Variants in CDHR3 observed in about 807,000 individuals in gnomAD.
The protein encoded by CDHR3 is cadherin related family member 3, also known as cadherin-related family member 3.
CDHR3 carries 79 observed loss-of-function variants against 86.6 expected under a neutral mutation model. The observed-to-expected ratio is 0.91, with a 90% CI of 0.76 to 1.10. The LOEUF (loss-of-function observed/expected upper bound fraction) is 1.10. Among genes scored for constraint, CDHR3 ranks in the 50% least tolerant of loss-of-function variants. CDHR3 has a pLI of 0.00. For missense variants in CDHR3, 1,081 were observed against 1,077.6 expected, an observed-to-expected ratio of 1.00 and a Z score of -0.04; for synonymous variants, 421 against 402.4, an observed-to-expected ratio of 1.05 and a Z score of -0.55.
At chr7:106,022,023 G>C (rs1160957670) in intron 13 of CDHR3, among the ~76,000 whole-genome samples, 175 bp from the exon 14 acceptor site, 1 of 152,172 alleles carries the variant, frequency 6.6e-6, no homozygotes, top group Non-Finnish European at 1.5e-5. Context: ...TGCCATCTCT[G>C]GTGCAGTTAA....
rs1190039578 is a variant in CDHR3 at position 106,033,044 on chromosome 7, C to T, written c.*347C>T. 4.4e-6 allele frequency: 1 copy of T among 226,944 alleles called. No homozygotes were observed. The highest frequency in any genetic ancestry group is 8.7e-6 in the Non-Finnish European group (1 of 114,602). 14.1% of individuals were successfully genotyped at this position (226,944 alleles called of 1,614,324 possible). On this transcript the variant is annotated 3_prime_UTR_variant, in exon 19 of 19. Transcript: ENST00000317716. The stretch of plus-strand genomic sequence containing the variant: ...TCACCATAGAAAGTTTGTAGGAATT[C>T]CTGACATAAATAGTGAAGACTATCC...
chr7:106,002,256 G>T (rs1025412178), intron 7 of CDHR3, among the ~76,000 whole-genome samples: 2 of 152,160 alleles, frequency 1.3e-5, no homozygotes, highest in Non-Finnish European at 2.9e-5. Context: ...AAAAGCATAC[G>T]AATTCATTTA....
At position 106,024,439 on chromosome 7, in the gene CDHR3, T is replaced by TGCC. The variant is rs1280140041; in HGVS notation, c.2137_2139dup (p.Pro713dup). On this transcript the variant is annotated inframe_insertion, in exon 15 of 19. Coordinates refer to ENST00000317716, the MANE Select transcript of CDHR3 (RefSeq NM_152750.5). ...GTTTACTCTCCATCTGCATGGTACG[T>TGCC]GCCGTTTGTCATCACTTTGGGCTCC... 3.7e-6 allele frequency: 6 copies of TGCC among 1,614,052 alleles called. No individual in the cohort carries two copies. Among genetic ancestry groups the TGCC allele is most frequent in the Non-Finnish European group, 5.1e-6 (6 of 1,179,888 alleles).
chr7:105,995,217 G>A lies in CDHR3; in HGVS notation c.608+372G>A, dbSNP rs1832001908. Among the ~76,000 whole-genome samples, 6 of 152,180 alleles carry A rather than the reference G, an allele frequency of 3.9e-5. No individual in the cohort carries two copies. The South Asian group carries it at 1.2e-3, about 31-fold the overall frequency. ...CCATGAGCTACATGGAATTCCCAAG[G>A]AGGCAACTCTCCTTAGACCTCTTGC... is the stretch of plus-strand genomic sequence containing the variant. On this transcript the variant is annotated intron_variant, in intron 5 of 18. Transcript: ENST00000317716.
In CDHR3 at chr7:105,985,553, C is replaced by T. The variant is rs896593256; in HGVS notation, c.513+1264C>T. 5.9e-5 allele frequency among the ~76,000 whole-genome samples: 9 copies of T among 151,710 alleles called. No homozygotes were observed. In the South Asian group the frequency reaches 8.3e-4, roughly 14 times the overall value. ...GAAATGAGCCTTGGGAATACCAGGA[C>T]GAATATATATAGTCTACAGACTCTG... On this transcript the variant is annotated intron_variant, in intron 4 of 18. Coordinates refer to ENST00000317716, the MANE Select transcript of CDHR3 (RefSeq NM_152750.5).
Position 106,001,471 on chromosome 7 carries a change from A to G in CDHR3, c.723A>G (p.Arg241=), listed in dbSNP as rs761837265. ...DEVPRFTSPT[R]VYTVLEELSP... ...TGTATCTCTGTTCCAGCCCGACACG[A>G]GTGTACACAGTCCTGGAGGAACTGA... Residue 241 remains arginine, a synonymous_variant, in exon 7 of 19, where the codon CGA becomes CGG. Coordinates refer to ENST00000317716, the MANE Select transcript of CDHR3 (RefSeq NM_152750.5). 3.7e-6 allele frequency: 6 copies of G among 1,613,918 alleles called. No individual in the cohort carries two copies. The highest frequency in any genetic ancestry group is 5.1e-6 in the Non-Finnish European group (6 of 1,179,896).
chr7:106,016,098 A>G (rs1835589674), intron 11 of CDHR3, 73 bp downstream of exon 11: 3 of 991,038 alleles, frequency 3.0e-6, no homozygotes, highest in African/African-American at 3.2e-5. Context: ...TGTGGAGTGG[A>G]AAACTCCCTT....
intron 15 of CDHR3, among the ~76,000 whole-genome samples, 162 bp from the exon 16 acceptor site, chr7:106,026,520 G>A (rs1399855851): frequency 1.3e-5 from 2 of 152,152 alleles, no homozygotes; most frequent in Admixed American, 6.5e-5. Context: ...CGAAGCAGGC[G>A]TGGTGATCTA....
At chr7:106,019,104 G>A (rs371274660) in intron 12 of CDHR3, among the ~76,000 whole-genome samples, 214 of 152,330 alleles carry the variant, frequency 1.4e-3, no homozygotes, top group African/African-American at 4.9e-3. Context: ...TGAACTCTCA[G>A]TTAGCAGCAG....
At chr7:106,016,905 G>T (rs1414725073) in intron 11 of CDHR3, among the ~76,000 whole-genome samples, 1 of 152,120 alleles carries the variant, frequency 6.6e-6, no homozygotes, top group Admixed American at 6.5e-5. Context: ...ACCTACTTTG[G>T]GTTACAAACT....
Position 106,004,521 on chromosome 7 carries a change from C to G in CDHR3, c.886C>G (p.Gln296Glu), listed in dbSNP as rs199865552. The change falls in exon 8 of 19, where the codon CAA becomes GAA. Residue 296 changes from glutamine to glutamate, a missense_variant. Physicochemically the swap from Gln to Glu is conservative, Grantham distance 29. Coordinates refer to ENST00000317716, the MANE Select transcript of CDHR3 (RefSeq NM_152750.5). ...AGTGACTGGTACAATCCAAGTGGCC[C>G]AAAGGATAGACCGAGATGCAGGTGA... ...NQLTGTIQVA[Q>E]RIDRDAGELR... 1.2e-6 allele frequency: 2 copies of G among 1,613,986 alleles called. No individual in the cohort carries two copies. The highest frequency in any genetic ancestry group is 2.2e-5 in the South Asian group (2 of 91,072).
intron 7 of CDHR3, among the ~76,000 whole-genome samples, chr7:106,003,002 T>C (rs1262487286): frequency 6.6e-6 from 1 of 151,762 alleles, no homozygotes; most frequent in African/African-American, 2.4e-5. Context: ...AGTGTCATGA[T>C]ACACACCTAT....
intron 11 of CDHR3, among the ~76,000 whole-genome samples, chr7:106,017,060 A>G (rs1835743119): frequency 6.6e-6 from 1 of 152,252 alleles, no homozygotes; most frequent in African/African-American, 2.4e-5. Flanking sequence ...AGAGGATTTA[A>G]AAATCTATAA....
chr7:105,978,854 GAGGCTGGCAATAGGTAATA>G lies in CDHR3; in HGVS notation c.250-2113_250-2095del, dbSNP rs552435306. Among the ~76,000 whole-genome samples the G allele has an allele frequency of 8.3e-3, 1,258 of 152,162 alleles. 7 individuals carry two copies. The highest frequency in any genetic ancestry group is 0.011 in the Non-Finnish European group (777 of 68,014). ...TGTGAGAGCTACTCCCCAAGGAGAA[GAGGCTGGCAATAGGTAATA>G]CTGAGGTCAAGGATCTATCCAAGCT... is the stretch of plus-strand genomic sequence containing the variant. On this transcript the variant is annotated intron_variant, in intron 2 of 18. Transcript: ENST00000317716.
chr7:105,996,394 G>A (rs1202494525), intron 6 of CDHR3, 40 bp downstream of exon 6: 3 of 1,250,176 alleles, frequency 2.4e-6, no homozygotes, highest in Non-Finnish European at 3.5e-6. Flanking sequence ...GGCCGCAGGT[G>A]CGTCCTTCTT....
intron 4 of CDHR3, among the ~76,000 whole-genome samples, chr7:105,993,759 C>A (rs1188914634): frequency 6.6e-6 from 1 of 150,656 alleles, no homozygotes; most frequent in East Asian, 2.0e-4. Context: ...GGCTCTTCCC[C>A]TGTTTTCTTG....
At chr7:105,978,286 G>A (rs911813647) in intron 2 of CDHR3, among the ~76,000 whole-genome samples, 1 of 152,186 alleles carries the variant, frequency 6.6e-6, no homozygotes, top group Non-Finnish European at 1.5e-5. Context: ...AGAGGCCAGG[G>A]AAGAGTGACT....
Position 106,032,540 on chromosome 7 carries a change from G to T in CDHR3, c.2501G>T (p.Arg834Ile), listed in dbSNP as rs1467513834. The change falls in exon 19 of 19, where the codon AGA (arginine) becomes ATA (isoleucine). Residue 834 changes from arginine (R) to isoleucine (I), a missense_variant. By Grantham distance (97) the Arg-to-Ile change is moderately conservative. Coordinates refer to ENST00000317716, the MANE Select transcript of CDHR3 (RefSeq NM_152750.5). ...GCTGGGGAAGGGATGGGGTCACTGA[G>T]AAGTGCCAACTGGGAAGAAGATGAG... ...VTAGEGMGSL[R>I]SANWEEDELS... The T allele has an allele frequency of 3.1e-6, 5 of 1,613,896 alleles. No individual in the cohort carries two copies. Among genetic ancestry groups the T allele is most frequent in the Non-Finnish European group, 3.4e-6 (4 of 1,179,876 alleles).
At chr7:105,969,876 C>T (rs567591513) in intron 1 of CDHR3, among the ~76,000 whole-genome samples, 2 of 152,028 alleles carry the variant, frequency 1.3e-5, no homozygotes, top group Non-Finnish European at 2.9e-5. Flanking sequence ...GCAAAGGAAC[C>T]CTGTTTAGTG....
Sources: gnomAD v4.1 joint callset for allele counts (sites outside exome capture counted in the v4.1 genomes callset) on GRCh38, gnomAD v4.1.1 for gene constraint, MANE v1.5 for transcripts, NCBI Gene and HGNC (gene_info 2026-07-23, HGNC 2026-07-21) for gene names.